ABCA8: variants seen among roughly 807,000 people sequenced by gnomAD.
The protein encoded by ABCA8 is ABC-type organic anion transporter ABCA8.
A neutral mutation model predicts 192.3 loss-of-function variants in ABCA8; 177 were observed. The observed-to-expected ratio is 0.92, with a 90% CI of 0.81 to 1.04. The LOEUF is 1.04. ABCA8 is among the 50% of genes least tolerant of loss of function. The pLI, the probability that ABCA8 is intolerant of heterozygous loss-of-function variation, is 0.00. For synonymous variants in ABCA8, 642 were observed against 690.2 expected, an observed-to-expected ratio of 0.93 and a Z score of 1.09; for missense variants, 1,915 against 1,904.8, an observed-to-expected ratio of 1.01 and a Z score of -0.10.
In ABCA8 at chr17:68,905,616, A is replaced by C. The variant is rs556707606; in HGVS notation, c.2398+428T>G. Among the ~76,000 whole-genome samples, 3 of 152,242 alleles carry C rather than the reference A, an allele frequency of 2.0e-5. No individual in the cohort carries two copies. In the East Asian group the frequency reaches 5.8e-4, roughly 29 times the overall value. On this transcript the variant is annotated intron_variant, in intron 19 of 39. Coordinates refer to ENST00000586539, the MANE Select transcript of ABCA8 (RefSeq NM_001288985.2). ...GTCCAATTTCTAACATAAAGAAAAA[A>C]AAAAGAAAAACCTGACACCAGAGAA...
chr17:68,918,433 A>T lies in ABCA8; in HGVS notation c.1902T>A (p.Asp634Glu). The change falls in exon 15 of 40, where the codon GAT becomes GAA. Residue 634 changes from aspartate to glutamate, a missense_variant. Asp to Glu is a conservative substitution (Grantham distance 45). Transcript: ENST00000586539. ...KLTFGIAILG[D>E]PQIFLLDEPT... The stretch of plus-strand genomic sequence containing the variant: ...CAAATTCAATGTGACTCACCTGAGG[A>T]TCTCCTAAAATGGCAATCCCAAAGG... 1 of 1,573,482 alleles carries T rather than the reference A, an allele frequency of 6.4e-7. No individual in the cohort carries two copies. The highest frequency in any genetic ancestry group is 8.6e-7 in the Non-Finnish European group (1 of 1,163,842).
At chr17:68,940,686 A>T in intron 4 of ABCA8, 72 bp downstream of exon 4, 1 of 1,337,628 alleles carries the variant, frequency 7.5e-7, no homozygotes, top group Non-Finnish European at 1.1e-6. Context: ...TACAAATTAA[A>T]TGTATAAATC....
chr17:68,894,437 A>G, intron 22 of ABCA8, 127 bp from the exon 23 acceptor site: 14 of 799,762 alleles, frequency 1.8e-5, no homozygotes, highest in Non-Finnish European at 2.7e-5. Context: ...CACAATAAAA[A>G]GCCAAACACT....
In ABCA8 at chr17:68,906,171, A is replaced by G. The variant is rs1368719738; in HGVS notation, c.2279-8T>C. The G allele has an allele frequency of 6.4e-7, 1 of 1,551,572 alleles. No homozygotes were observed. The highest frequency in any genetic ancestry group is 8.7e-7 in the Non-Finnish European group (1 of 1,153,786). ...CAAGATCCTTGTAAAGTTCTAAAGAATACATATACAGCAGTGAATTAAAAC... is the reference window on the plus strand; with the variant it reads ...CAAGATCCTTGTAAAGTTCTAAAGAGTACATATACAGCAGTGAATTAAAAC... On this transcript the variant is annotated splice_polypyrimidine_tract_variant and splice_region_variant and intron_variant, in intron 18 of 39. Transcript: ENST00000586539.
At chr17:68,891,268 T>C (rs551183318) in intron 24 of ABCA8, among the ~76,000 whole-genome samples, 1 of 152,308 alleles carries the variant, frequency 6.6e-6, no homozygotes, top group Non-Finnish European at 1.5e-5. Flanking sequence ...TTGTCTATTC[T>C]AGCTTGTTGG....
At chr17:68,935,155 T>TGCAATCTC (rs1192194257) in intron 5 of ABCA8, among the ~76,000 whole-genome samples, 6 of 149,598 alleles carry the variant, frequency 4.0e-5, no homozygotes, top group Non-Finnish European at 5.9e-5. Flanking sequence ...AGTACAGTGG[T>TGCAATCTC]GCAATCTCGG....
chr17:68,927,850 A>T (rs2067745565), intron 10 of ABCA8, 66 bp downstream of exon 10: 1 of 1,210,802 alleles, frequency 8.3e-7, no homozygotes, highest in African/African-American at 1.6e-5. Flanking sequence ...TATATCCATT[A>T]GGAGATTTGT....
In ABCA8 at chr17:68,887,372, G is replaced by C. The variant is rs201100712; in HGVS notation, c.3279C>G (p.Phe1093Leu). The change falls in exon 25 of 40, where the codon TTC (phenylalanine) becomes TTG (leucine). Residue 1093 changes from phenylalanine to leucine, a missense_variant. By Grantham distance (22) the Phe-to-Leu change is conservative. Coordinates refer to ENST00000586539, the MANE Select transcript of ABCA8 (RefSeq NM_001288985.2). ...FIYLMSYISNFEDMLLTIIHI... is the reference protein window; with the variant it reads ...FIYLMSYISNLEDMLLTIIHI... Reference sequence around the variant, plus strand: ...GAATTATTGTAAGTAGCATGTCTTCGAAGTTTGAAATGTAGCTCATTAAAT... The same window carrying C: ...GAATTATTGTAAGTAGCATGTCTTCCAAGTTTGAAATGTAGCTCATTAAAT... 4 of 1,610,994 alleles carry C rather than the reference G, an allele frequency of 2.5e-6. No individual in the cohort carries two copies. In the African/African-American group the frequency reaches 5.4e-5, roughly 22 times the overall value.
At chr17:68,885,739 G>A (rs566622472) in intron 26 of ABCA8, among the ~76,000 whole-genome samples, 107 of 151,984 alleles carry the variant, frequency 7.0e-4, no homozygotes, top group African/African-American at 2.3e-3. Context: ...TAGTAGAGAT[G>A]GGGTTTCACC....
intron 5 of ABCA8, among the ~76,000 whole-genome samples, chr17:68,936,108 T>G (rs2143731541): frequency 6.6e-6 from 1 of 152,298 alleles, no homozygotes; most frequent in East Asian, 1.9e-4. Context: ...TTGCGATTTT[T>G]TTTTCCATCT....
Position 68,876,455 on chromosome 17 carries a change from C to T in ABCA8, c.4370+5G>A, listed in dbSNP as rs376173213. The T allele has an allele frequency of 6.2e-7, 1 of 1,613,968 alleles. No individual in the cohort carries two copies. Among genetic ancestry groups the T allele is most frequent in the Non-Finnish European group, 8.5e-7 (1 of 1,179,874 alleles). On this transcript the variant is annotated splice_donor_5th_base_variant and intron_variant, in intron 35 of 39. Coordinates refer to ENST00000586539, the MANE Select transcript of ABCA8 (RefSeq NM_001288985.2). ...GCTGTCCCTGACCGTGGTAATGTTC[C>T]TCACCACATTTGCTGCTGCCCCTCG...
chr17:68,894,736 T>G (rs916060016), intron 22 of ABCA8, 144 bp downstream of exon 22: 2 of 886,226 alleles, frequency 2.3e-6, no homozygotes, highest in African/African-American at 3.4e-5. Flanking sequence ...TATGAATTGT[T>G]TATGCCAGTG....
Position 68,884,462 on chromosome 17 carries a change from G to A in ABCA8, c.3550-66C>T, listed in dbSNP as rs74252543. Reference sequence around the variant, plus strand: ...TTTCCTGAATTTTGTCCACATATACGTGAATTGGCCCTAAACAGCCCTGCT... The same window carrying A: ...TTTCCTGAATTTTGTCCACATATACATGAATTGGCCCTAAACAGCCCTGCT... On this transcript the variant is annotated intron_variant, in intron 27 of 39. Coordinates refer to ENST00000586539, the MANE Select transcript of ABCA8 (RefSeq NM_001288985.2). 1.0e-3 allele frequency: 1,580 copies of A among 1,505,480 alleles called. 16 individuals carry two copies. In the East Asian group the frequency reaches 0.03, roughly 29 times the overall value. 93.3% of individuals were successfully genotyped at this position (1,505,480 alleles called of 1,614,324 possible). A position where few individuals can be genotyped will look rare whatever the true frequency, so the allele number is the denominator to read the frequency against.
At chr17:68,868,415 C>T (rs1245721925) in intron 38 of ABCA8, 59 bp from the exon 39 acceptor site, 3 of 1,397,938 alleles carry the variant, frequency 2.1e-6, no homozygotes, top group Non-Finnish European at 3.0e-6. Flanking sequence ...TCTCATAAAT[C>T]AGCATATAGT....
At chr17:68,893,984 T>C in intron 23 of ABCA8, 189 bp downstream of exon 23, 1 of 579,424 alleles carries the variant, frequency 1.7e-6, no homozygotes, top group Non-Finnish European at 3.0e-6. Context: ...TTCATTTTAT[T>C]TTACTTTAAA....
chr17:68,915,888 C>G (rs911404718), intron 17 of ABCA8, among the ~76,000 whole-genome samples: 2 of 152,180 alleles, frequency 1.3e-5, no homozygotes, highest in African/African-American at 2.4e-5. Context: ...TGTCCATCAA[C>G]AGATGATTGG....
At chr17:68,882,472 A>T in intron 30 of ABCA8, 127 bp downstream of exon 30, 2 of 753,142 alleles carry the variant, frequency 2.7e-6, no homozygotes, top group Non-Finnish European at 4.0e-6. Context: ...TCGCTCATTT[A>T]ATCGTAAAAA....
chr17:68,936,803 T>C, intron 5 of ABCA8, 148 bp downstream of exon 5: 3 of 588,428 alleles, frequency 5.1e-6, no homozygotes, highest in Non-Finnish European at 7.9e-6. Context: ...TGCCCAAAAA[T>C]GAATTTTTTT....
intron 2 of ABCA8, among the ~76,000 whole-genome samples, chr17:68,946,593 C>T (rs79820173): frequency 0.062 from 9,425 of 152,152 alleles, 422 homozygotes; most frequent in East Asian, 0.24. Flanking sequence ...AATTCAGTTT[C>T]CTAGATTATC....
Sources: allele counts gnomAD v4.1 joint callset (sites outside exome capture counted in the v4.1 genomes callset), GRCh38; gene constraint gnomAD v4.1.1; transcripts MANE v1.5; gene names NCBI Gene and HGNC (gene_info 2026-07-23, HGNC 2026-07-21).